SDK2: variants seen among roughly 807,000 people sequenced by gnomAD.
SDK2 encodes sidekick cell adhesion molecule 2.
In SDK2, 105 loss-of-function variants were observed where a neutral mutation model predicts 253.9. The ratio of observed to expected loss-of-function variants is 0.41; its 90% CI spans 0.35 to 0.49. The LOEUF is 0.49. SDK2 is among the 20% of genes least tolerant of loss of function. SDK2 has a pLI of 0.06. For missense variants in SDK2, 2,608 were observed against 3,003.0 expected (o/e 0.87, Z 3.07); for synonymous variants, 1,249 against 1,234.9 (o/e 1.01, Z -0.24).
At chr17:73,339,470 C>T (rs930554174) in intron 44 of SDK2, among the ~76,000 whole-genome samples, 9 of 152,060 alleles carry the variant, frequency 5.9e-5, no homozygotes, top group African/African-American at 2.2e-4. Context: ...GATCCACCCG[C>T]TTCACCCTCC....
chr17:73,462,236 T>C (rs1450420281), intron 3 of SDK2, among the ~76,000 whole-genome samples: 1 of 152,096 alleles, frequency 6.6e-6, no homozygotes, highest in African/African-American at 2.4e-5. Flanking sequence ...GATGGTTGTA[T>C]GTATGTACAT....
intron 38 of SDK2, 114 bp downstream of exon 38, chr17:73,365,144 T>C (rs2062672894): frequency 3.4e-5 from 25 of 726,722 alleles, no homozygotes; most frequent in Non-Finnish European, 4.9e-5. Flanking sequence ...GTTTATAAGA[T>C]GGGGAGACTC....
At chr17:73,595,002 T>C (rs1266580282) in intron 1 of SDK2, among the ~76,000 whole-genome samples, 1 of 152,170 alleles carries the variant, frequency 6.6e-6, no homozygotes, top group Non-Finnish European at 1.5e-5. Flanking sequence ...TGTCACCCTC[T>C]GCTCTGTGGA....
chr17:73,441,742 C>T (rs2063417842), intron 5 of SDK2, among the ~76,000 whole-genome samples: 1 of 152,236 alleles, frequency 6.6e-6, no homozygotes, highest in African/African-American at 2.4e-5. Flanking sequence ...TTGTGAGCCA[C>T]TCAGCTGGTA....
At chr17:73,432,930 G>A (rs934982808) in intron 10 of SDK2, among the ~76,000 whole-genome samples, 2 of 152,154 alleles carry the variant, frequency 1.3e-5, no homozygotes, top group African/African-American at 4.8e-5. Flanking sequence ...CAGAGGTGAA[G>A]AGGAAGCACA....
Position 73,390,284 on chromosome 17 carries a change from C to G in SDK2, c.4192+3G>C. On this transcript the variant is annotated splice_donor_region_variant and intron_variant, in intron 29 of 44. Transcript: ENST00000392650. ...GCCTTCCCTGGCCCCCGTGGGCAGTCACCTCTCTTCTCGGTGGTCACCACC... is the reference window on the plus strand; with the variant it reads ...GCCTTCCCTGGCCCCCGTGGGCAGTGACCTCTCTTCTCGGTGGTCACCACC... The G allele has an allele frequency of 6.4e-7, 1 of 1,569,132 alleles. No homozygotes were observed. Among genetic ancestry groups the G allele is most frequent in the Non-Finnish European group, 8.6e-7 (1 of 1,160,756 alleles).
intron 1 of SDK2, among the ~76,000 whole-genome samples, chr17:73,510,206 G>C (rs968011473): frequency 4.6e-5 from 7 of 152,182 alleles, no homozygotes; most frequent in African/African-American, 1.4e-4. Context: ...GGTTCAGGTA[G>C]AGATTCACAA....
intron 1 of SDK2, among the ~76,000 whole-genome samples, chr17:73,590,030 G>GT (rs1238794148): frequency 3.3e-5 from 5 of 152,254 alleles, no homozygotes; most frequent in African/African-American, 1.2e-4. Flanking sequence ...GGCCATTCAG[G>GT]TGGCCAGAAA....
At chr17:73,477,447 T>C (rs186527976) in intron 2 of SDK2, among the ~76,000 whole-genome samples, 114 of 152,312 alleles carry the variant, frequency 7.5e-4, no homozygotes, top group African/African-American at 2.6e-3. Flanking sequence ...CAGGGGGACT[T>C]ACACTTGACT....
At chr17:73,613,923 C>A (rs1472995720) in intron 1 of SDK2, among the ~76,000 whole-genome samples, 3 of 152,226 alleles carry the variant, frequency 2.0e-5, no homozygotes. Flanking sequence ...AGGACCAGTG[C>A]TCCTTAATTC....
At chr17:73,340,733 A>ATTTTTTTTT (rs1555747269) in intron 44 of SDK2, among the ~76,000 whole-genome samples, 1 of 54,062 alleles carries the variant, frequency 1.8e-5, no homozygotes, top group Non-Finnish European at 4.5e-5. Flanking sequence ...AAAACCTTAA[A>ATTTTTTTTT]GTTTTTTTTT....
At position 73,507,584 on chromosome 17, in the gene SDK2, C is replaced by T. The variant is rs542232958; in HGVS notation, c.78G>A (p.Pro26=). ...TCCGCACAGGCTCTGTCTTGAAATACGGGGACACATCATCTGCAGAAACAG... is the reference window on the plus strand; with the variant it reads ...TCCGCACAGGCTCTGTCTTGAAATATGGGGACACATCATCTGCAGAAACAG... ...RAARAQDDVS[P]YFKTEPVRTQ... The change falls in exon 2 of 45, where the codon CCG becomes CCA. Residue 26 remains proline (P), a synonymous_variant. Transcript: ENST00000392650. 4.5e-6 allele frequency: 7 copies of T among 1,551,320 alleles called. No homozygotes were observed. In the East Asian group the frequency reaches 7.3e-5, roughly 16 times the overall value.
chr17:73,379,973 C>A lies in SDK2; in HGVS notation c.4763-424G>T, dbSNP rs1294134998. Among the ~76,000 whole-genome samples, 1 of 151,986 alleles carries A rather than the reference C, an allele frequency of 6.6e-6. No homozygotes were observed. Among genetic ancestry groups the A allele is most frequent in the Non-Finnish European group, 1.5e-5 (1 of 67,982 alleles). On this transcript the variant is annotated intron_variant, in intron 34 of 44. Coordinates refer to ENST00000392650, the MANE Select transcript of SDK2 (RefSeq NM_001144952.2). The surrounding 1 kb of genome is among the most constrained non-coding windows in gnomAD (Gnocchi z 4.5). Reference sequence around the variant, plus strand: ...TCCACCAACTCTTTACACAGCGGGGCTCAGCTCCAGGGGGGAGGGGCGCAT... The same window carrying A: ...TCCACCAACTCTTTACACAGCGGGGATCAGCTCCAGGGGGGAGGGGCGCAT...
At chr17:73,497,286 C>A (rs752896680) in intron 2 of SDK2, among the ~76,000 whole-genome samples, 1 of 152,140 alleles carries the variant, frequency 6.6e-6, no homozygotes, top group Non-Finnish European at 1.5e-5. Flanking sequence ...CAAGACACTG[C>A]AATCTCCAGG....
At chr17:73,558,661 A>G (rs2045182034) in intron 1 of SDK2, among the ~76,000 whole-genome samples, 1 of 152,194 alleles carries the variant, frequency 6.6e-6, no homozygotes, top group Non-Finnish European at 1.5e-5. Context: ...TTCATTAGAC[A>G]GATGAAGAAA....
At chr17:73,507,374 GC>G in intron 2 of SDK2, 63 bp downstream of exon 2, 2 of 1,480,600 alleles carry the variant, frequency 1.4e-6, no homozygotes, top group Non-Finnish European at 1.8e-6. Context: ...TCCTCACCAT[GC>G]CCTCTTCAAA....
In SDK2 at chr17:73,347,828, C is replaced by T. The variant is rs146976964; in HGVS notation, c.6165+771G>A. On this transcript the variant is annotated intron_variant, in intron 44 of 44. Coordinates refer to ENST00000392650, the MANE Select transcript of SDK2 (RefSeq NM_001144952.2). ...GTCCCCACGTGACCCACCTAATGGC[C>T]GCTCTCTGAAGCTCTGTGTCTTCCA... is the stretch of plus-strand genomic sequence containing the variant. Among the ~76,000 whole-genome samples, 12 of 152,288 alleles carry T rather than the reference C, an allele frequency of 7.9e-5. No individual in the cohort carries two copies. The East Asian group carries it at 2.1e-3, about 27-fold the overall frequency.
intron 1 of SDK2, among the ~76,000 whole-genome samples, chr17:73,601,275 C>T (rs2045836196): frequency 6.6e-6 from 1 of 152,096 alleles, no homozygotes; most frequent in Admixed American, 6.5e-5. Context: ...CCGCCTCGGC[C>T]TCCCAAAGTG....
At chr17:73,506,621 C>T (rs2063937700) in intron 2 of SDK2, among the ~76,000 whole-genome samples, 1 of 152,196 alleles carries the variant, frequency 6.6e-6, no homozygotes, top group Admixed American at 6.5e-5. Context: ...ATCTTGTTTC[C>T]CCAACAAAAC....
Sources: allele counts gnomAD v4.1 joint callset (sites outside exome capture counted in the v4.1 genomes callset), GRCh38; gene constraint gnomAD v4.1.1; non-coding constraint Gnocchi (gnomAD v3.1); transcripts MANE v1.5; gene names NCBI Gene and HGNC (gene_info 2026-07-23, HGNC 2026-07-21).